Variants in PON2 observed in about 807,000 individuals in gnomAD.
PON2 encodes serum paraoxonase/arylesterase 2.
Under a neutral mutation model 36.6 loss-of-function variants are expected in PON2, and 27 were observed. The observed-to-expected ratio is 0.74, with a 90% CI of 0.54 to 1.02. PON2 has a LOEUF of 1.02. PON2 is among the 50% of genes least tolerant of loss of function. The pLI is 0.00. For missense variants in PON2, 363 were observed against 421.1 expected (o/e 0.86, Z 1.21); for synonymous variants, 149 against 156.3 (o/e 0.95, Z 0.35).
chr7:95,424,149 T>C (rs1268461584), intron 2 of PON2: 1 of 311,596 alleles, frequency 3.2e-6, no homozygotes, highest in African/African-American at 2.2e-5. Context: ...GTAAATGCTG[T>C]CACTGCCTAC....
chr7:95,417,698 C>CAG (rs1562788827), intron 2 of PON2, among the ~76,000 whole-genome samples: 6 of 142,026 alleles, frequency 4.2e-5, no homozygotes, highest in Non-Finnish European at 9.0e-5. Flanking sequence ...CAGACACACA[C>CAG]ACACACACAC....
chr7:95,408,536 A>AAT (rs1021322625), intron 6 of PON2, among the ~76,000 whole-genome samples: 2 of 152,166 alleles, frequency 1.3e-5, no homozygotes, highest in African/African-American at 4.8e-5. Context: ...TCATAATGGA[A>AAT]ATATAAGAGT....
At chr7:95,425,856 CAAAT>C (rs1410188980) in intron 1 of PON2, among the ~76,000 whole-genome samples, 7 of 151,700 alleles carry the variant, frequency 4.6e-5, no homozygotes, top group African/African-American at 1.7e-4. Flanking sequence ...GCAAAAAGTA[CAAAT>C]AAATCAATAT....
chr7:95,428,629 C>A (rs922763955), intron 1 of PON2, among the ~76,000 whole-genome samples: 4 of 152,060 alleles, frequency 2.6e-5, no homozygotes, highest in Non-Finnish European at 5.9e-5. Flanking sequence ...ACCTCTAGAT[C>A]CATTTAAGGG....
At chr7:95,410,145 T>G in intron 5 of PON2, 44 bp from the exon 6 acceptor site, 2 of 1,456,940 alleles carry the variant, frequency 1.4e-6, no homozygotes, top group Non-Finnish European at 1.9e-6. Flanking sequence ...AAAGGCCTGT[T>G]GGTCTCCATA....
intron 2 of PON2, among the ~76,000 whole-genome samples, chr7:95,420,999 A>G (rs63569763): frequency 1.3e-5 from 2 of 152,142 alleles, no homozygotes. Flanking sequence ...GAAAAAAAAA[A>G]GGACAATTCT....
At chr7:95,423,827 C>G (rs888795387) in intron 2 of PON2, among the ~76,000 whole-genome samples, 1 of 152,096 alleles carries the variant, frequency 6.6e-6, no homozygotes, top group Non-Finnish European at 1.5e-5. Context: ...AGGAAACTTA[C>G]AATCTTGGTG....
At chr7:95,429,632 C>T (rs1294354987) in intron 1 of PON2, among the ~76,000 whole-genome samples, 1 of 152,186 alleles carries the variant, frequency 6.6e-6, no homozygotes, top group Non-Finnish European at 1.5e-5. Context: ...GTGTACCATG[C>T]TACGGTGCCA....
At chr7:95,419,938 C>T (rs1350584913) in intron 2 of PON2, among the ~76,000 whole-genome samples, 1 of 152,174 alleles carries the variant, frequency 6.6e-6, no homozygotes, top group Non-Finnish European at 1.5e-5. Context: ...AACAGCAACG[C>T]ATCCTTTACT....
In PON2 at chr7:95,407,056, A is replaced by C. The variant is rs758886833; in HGVS notation, c.708T>G (p.Val236=). Residue 236 remains valine (V), a synonymous_variant, in exon 7 of 9, where the codon GTT becomes GTG. Transcript: ENST00000222572. ...GAATTTCATGAGCCAATATGTCAGC[A>C]ACATAGATATACCTTTGCAGAAAGG... The part of the protein sequence containing the change: ...NISPDDKYIY[V]ADILAHEIHV... 1.0e-4 allele frequency: 161 copies of C among 1,593,596 alleles called. No individual in the cohort carries two copies. Among genetic ancestry groups the C allele is most frequent in the Non-Finnish European group, 1.4e-4 (158 of 1,161,858 alleles).
At chr7:95,417,951 A>G (rs961201989) in intron 2 of PON2, among the ~76,000 whole-genome samples, 8 of 152,124 alleles carry the variant, frequency 5.3e-5, no homozygotes, top group Non-Finnish European at 7.3e-5. Flanking sequence ...ACAAAATTGT[A>G]TATTTTTTAA....
intron 2 of PON2, among the ~76,000 whole-genome samples, chr7:95,420,947 C>T (rs747256474): frequency 6.6e-6 from 1 of 151,728 alleles, no homozygotes; most frequent in Non-Finnish European, 1.5e-5. Flanking sequence ...ATTCGACAAA[C>T]GTTCATATGG....
At chr7:95,424,267 A>G (rs1789262248) in intron 2 of PON2, 1 of 526,556 alleles carries the variant, frequency 1.9e-6, no homozygotes, top group Non-Finnish European at 3.4e-6. Flanking sequence ...AGAAGTCACA[A>G]AACAAGCAAG....
intron 1 of PON2, among the ~76,000 whole-genome samples, chr7:95,431,802 A>G (rs966016404): frequency 1.4e-4 from 21 of 152,122 alleles, no homozygotes; most frequent in Non-Finnish European, 2.4e-4. Context: ...AATACAGGGT[A>G]CCCAGTGATA....
chr7:95,433,736 C>T (rs375484568), intron 1 of PON2, among the ~76,000 whole-genome samples: 1 of 152,196 alleles, frequency 6.6e-6, no homozygotes, highest in Non-Finnish European at 1.5e-5. Context: ...CCCACCTTAG[C>T]CCCTTTGCTC....
In PON2 at chr7:95,405,419, C is replaced by G. The variant is rs1349526215; in HGVS notation, c.976G>C (p.Val326Leu). The change falls in exon 9 of 9, where the codon GTT (valine) becomes CTT (leucine). Residue 326 changes from valine (V) to leucine (L), a missense_variant. Coordinates refer to ENST00000222572, the MANE Select transcript of PON2 (RefSeq NM_000305.3). The part of the protein sequence containing the change: ...VTTVYANNGS[V>L]LQGSSVASVY... ...GAGGCTACAGAACTTCCTTGGAGAA[C>G]AGACCCATTGTTGGCATAAACTGTA... is the stretch of plus-strand genomic sequence containing the variant. 5.6e-6 allele frequency: 9 copies of G among 1,613,666 alleles called. No homozygotes were observed. Among genetic ancestry groups the G allele is most frequent in the Non-Finnish European group, 7.6e-6 (9 of 1,179,704 alleles).
intron 3 of PON2, among the ~76,000 whole-genome samples, chr7:95,414,584 T>C (rs1179292339): frequency 6.6e-6 from 1 of 152,186 alleles, no homozygotes; most frequent in Non-Finnish European, 1.5e-5. Flanking sequence ...AGGTGAATTC[T>C]AGATTATAAA....
chr7:95,405,580 G>A, intron 8 of PON2, 92 bp from the exon 9 acceptor site: 1 of 1,219,352 alleles, frequency 8.2e-7, no homozygotes, highest in Non-Finnish European at 1.2e-6. Flanking sequence ...ATGACACACT[G>A]ATTAAGGGGA....
At chr7:95,434,671 C>G (rs1377737428) in intron 1 of PON2, among the ~76,000 whole-genome samples, 1 of 152,150 alleles carries the variant, frequency 6.6e-6, no homozygotes, top group Non-Finnish European at 1.5e-5. Context: ...TCACTCCAAA[C>G]TTTGCTAGTT....
Sources: allele counts gnomAD v4.1 joint callset (sites outside exome capture counted in the v4.1 genomes callset), GRCh38; gene constraint gnomAD v4.1.1; transcripts MANE v1.5; gene names NCBI Gene and HGNC (gene_info 2026-07-23, HGNC 2026-07-21).